Variants in C8orf34 observed in about 807,000 individuals in gnomAD.
C8orf34 encodes the protein chromosome 8 open reading frame 34, also known as uncharacterized protein C8orf34.
C8orf34 carries 65 observed loss-of-function variants against 68.3 expected under a neutral mutation model. The observed-to-expected ratio is 0.95, with a 90% confidence interval of 0.78 to 1.17. The LOEUF is 1.17. Ranked by LOEUF, C8orf34 falls within the 50% of genes most tolerant of loss-of-function variation. C8orf34 has a pLI of 0.00. For missense variants in C8orf34, 664 were observed against 655.4 expected, an observed-to-expected ratio of 1.01 and a Z score of -0.14; for synonymous variants, 244 against 241.2, an observed-to-expected ratio of 1.01 and a Z score of -0.11.
At position 68,439,570 on chromosome 8, in the gene C8orf34, T is replaced by A; in HGVS notation, c.399T>A (p.Ser133=). 1 of 1,613,752 alleles carries A rather than the reference T, an allele frequency of 6.2e-7. No homozygotes were observed. The change falls in exon 2 of 14, where the codon TCT becomes TCA. Residue 133 remains serine (S), a synonymous_variant. Coordinates refer to ENST00000518698, the MANE Select transcript of C8orf34 (RefSeq NM_052958.4). ...CATTTCTCATTGACCATCTTCAGTC[T>A]AAACAAGGGAACCGTGGACAACTTC... ...PIPFLIDHLQ[S]KQGNRGQLQR...
At chr8:68,401,605 T>C (rs927765450) in intron 1 of C8orf34, among the ~76,000 whole-genome samples, 13 of 151,758 alleles carry the variant, frequency 8.6e-5, no homozygotes, top group African/African-American at 2.7e-4. Flanking sequence ...ATTTTTATCT[T>C]TTCTTCATCT....
intron 1 of C8orf34, among the ~76,000 whole-genome samples, chr8:68,332,310 G>A (rs1260292934): frequency 2.3e-5 from 3 of 131,458 alleles, no homozygotes; most frequent in African/African-American, 8.2e-5. Context: ...AGTTCAGGGG[G>A]CACTGACCGG....
intron 7 of C8orf34, among the ~76,000 whole-genome samples, chr8:68,544,008 T>C (rs1338089597): frequency 6.6e-6 from 1 of 152,108 alleles, no homozygotes; most frequent in Non-Finnish European, 1.5e-5. Flanking sequence ...AAAGTGGAAC[T>C]CAGGTGTAGA....
intron 7 of C8orf34, among the ~76,000 whole-genome samples, chr8:68,600,387 A>C (rs1011801256): frequency 6.6e-6 from 1 of 152,232 alleles, no homozygotes; most frequent in South Asian, 2.1e-4. Context: ...TCATGAAAAT[A>C]TTTTTTTACA....
intron 3 of C8orf34, among the ~76,000 whole-genome samples, chr8:68,466,200 AAGAT>A (rs578026879): frequency 9.7e-4 from 147 of 152,140 alleles, no homozygotes; most frequent in African/African-American, 3.3e-3. Flanking sequence ...AAGGGATTGA[AAGAT>A]AGATAACAGT....
chr8:68,394,335 G>A (rs914889934), intron 1 of C8orf34, among the ~76,000 whole-genome samples: 47 of 148,488 alleles, frequency 3.2e-4, no homozygotes, highest in Admixed American at 2.8e-3. Context: ...GAGAATATGC[G>A]GTGTTTGTTT....
At position 68,523,970 on chromosome 8, in the gene C8orf34, G is replaced by A. The variant is rs144792272; in HGVS notation, c.938+1999G>A. Among the ~76,000 whole-genome samples, 385 of 152,238 alleles carry A rather than the reference G, an allele frequency of 2.5e-3. 2 individuals are homozygous for A. Among genetic ancestry groups the A allele is most frequent in the Middle Eastern group, 6.8e-3 (2 of 294 alleles). On this transcript the variant is annotated intron_variant, in intron 6 of 13. Transcript: ENST00000518698. ...CTGGGGCTGGCACATTTTTGTTGTC[G>A]TTTGACATCTGTTACATGAGTGACA...
chr8:68,584,258 G>C (rs942180401), intron 7 of C8orf34, among the ~76,000 whole-genome samples: 1 of 151,954 alleles, frequency 6.6e-6, no homozygotes, highest in African/African-American at 2.4e-5. Flanking sequence ...ACTCAACTGA[G>C]ATTTTTGCAA....
intron 12 of C8orf34, among the ~76,000 whole-genome samples, chr8:68,814,493 T>C (rs941864850): frequency 1.3e-5 from 2 of 152,226 alleles, no homozygotes; most frequent in Non-Finnish European, 1.5e-5. Flanking sequence ...GTTCTCCAGC[T>C]GTATCCAGCA....
chr8:68,657,375 G>A (rs1272169108), intron 8 of C8orf34, among the ~76,000 whole-genome samples: 1 of 152,118 alleles, frequency 6.6e-6, no homozygotes, highest in African/African-American at 2.4e-5. Flanking sequence ...CCTTATAAAA[G>A]AGGCCTAAGG....
At chr8:68,349,634 T>C (rs1367285290) in intron 1 of C8orf34, among the ~76,000 whole-genome samples, 1 of 152,026 alleles carries the variant, frequency 6.6e-6, no homozygotes, top group Non-Finnish European at 1.5e-5. Flanking sequence ...AGGCTGTTTA[T>C]TATGGATTCA....
At chr8:68,481,235 A>G (rs905505884) in intron 4 of C8orf34, among the ~76,000 whole-genome samples, 4 of 152,220 alleles carry the variant, frequency 2.6e-5, no homozygotes, top group African/African-American at 9.6e-5. Flanking sequence ...TTGAGCCTGC[A>G]CGTGCACAGA....
At chr8:68,714,894 C>A (rs183350378) in intron 9 of C8orf34, among the ~76,000 whole-genome samples, 1 of 152,050 alleles carries the variant, frequency 6.6e-6, no homozygotes, top group Non-Finnish European at 1.5e-5. Context: ...GCCATAGTTA[C>A]CAAAACAGCA....
At chr8:68,467,992 G>A (rs1812223116) in intron 3 of C8orf34, among the ~76,000 whole-genome samples, 1 of 151,908 alleles carries the variant, frequency 6.6e-6, no homozygotes, top group Non-Finnish European at 1.5e-5. Flanking sequence ...AAGCAATTAA[G>A]TTCTTATATT....
chr8:68,376,585 C>A (rs566815149), intron 1 of C8orf34, among the ~76,000 whole-genome samples: 49 of 151,648 alleles, frequency 3.2e-4, no homozygotes, highest in Middle Eastern at 3.4e-3. Context: ...CCTCCCTTTT[C>A]TTTTATGTTC....
At chr8:68,466,739 A>ATATATATATATATG (rs1554556689) in intron 3 of C8orf34, among the ~76,000 whole-genome samples, 1,494 of 10,372 alleles carry the variant, frequency 0.14, 108 homozygotes, top group African/African-American at 0.21. Flanking sequence ...AACGTTGTAC[A>ATATATATATATATG]TATATATATA....
intron 1 of C8orf34, among the ~76,000 whole-genome samples, chr8:68,388,626 T>A (rs567871870): frequency 6.6e-6 from 1 of 152,000 alleles, no homozygotes; most frequent in Non-Finnish European, 1.5e-5. Flanking sequence ...TGATGAGAAA[T>A]GAACAAGTGG....
chr8:68,796,967 C>T (rs1010940589), intron 12 of C8orf34, among the ~76,000 whole-genome samples: 2 of 152,064 alleles, frequency 1.3e-5, no homozygotes, highest in South Asian at 2.1e-4. Flanking sequence ...GCTGGGATTA[C>T]AGGCACATGC....
chr8:68,762,592 A>G (rs1360521034), intron 10 of C8orf34, among the ~76,000 whole-genome samples: 1 of 152,178 alleles, frequency 6.6e-6, no homozygotes, highest in Non-Finnish European at 1.5e-5. Flanking sequence ...TTTTCACAAA[A>G]TGCAAACACA....
Sources: gnomAD v4.1 joint callset for allele counts (sites outside exome capture counted in the v4.1 genomes callset) on GRCh38, gnomAD v4.1.1 for gene constraint, MANE v1.5 for transcripts, NCBI Gene and HGNC (gene_info 2026-07-23, HGNC 2026-07-21) for gene names.